FRAS1: variants seen among roughly 807,000 people sequenced by gnomAD.
FRAS1 encodes extracellular matrix organizing protein FRAS1.
In FRAS1, 290 loss-of-function variants were observed where a neutral mutation model predicts 435.2. That is an observed-to-expected ratio of 0.67 (90% CI 0.61 to 0.73). The LOEUF is 0.73. Among genes scored for constraint, FRAS1 ranks in the 30% least tolerant of loss-of-function variants. The pLI is 0.00. For missense variants in FRAS1, 4,860 were observed against 5,001.5 expected (o/e 0.97, Z 0.85); for synonymous variants, 1,800 against 1,851.0 (o/e 0.97, Z 0.71).
intron 15 of FRAS1, among the ~76,000 whole-genome samples, chr4:78,310,762 G>A (rs150425788): frequency 7.2e-5 from 11 of 152,290 alleles, no homozygotes; most frequent in South Asian, 2.1e-4. Context: ...GATTGGTATC[G>A]GAATGTTAAT....
chr4:78,245,105 C>A, intron 3 of FRAS1, 128 bp from the exon 4 acceptor site: 1 of 691,274 alleles, frequency 1.4e-6, no homozygotes, highest in South Asian at 1.7e-5. Flanking sequence ...TCATTTTATC[C>A]CATCTGTTGT....
At chr4:78,169,655 G>A (rs1721471812) in intron 2 of FRAS1, among the ~76,000 whole-genome samples, 1 of 152,138 alleles carries the variant, frequency 6.6e-6, no homozygotes, top group Admixed American at 6.5e-5. Flanking sequence ...CAACAGAGGT[G>A]CAAGGAATGT....
chr4:78,446,829 G>T lies in FRAS1; in HGVS notation c.5959G>T (p.Asp1987Tyr), dbSNP rs767273724. The T allele has an allele frequency of 2.9e-5, 47 of 1,612,468 alleles. No individual in the cohort carries two copies. The highest frequency in any genetic ancestry group is 4.0e-5 in the African/African-American group (3 of 74,870). Residue 1987 changes from aspartate to tyrosine, a missense_variant, in exon 43 of 74, where the codon GAC (aspartate) becomes TAC (tyrosine). By Grantham distance (160) the Asp-to-Tyr change is radical (BLOSUM62 -3). Coordinates refer to ENST00000512123, the MANE Select transcript of FRAS1 (RefSeq NM_025074.7). ...TTCTTCTTTGAGCCTGCAAGACCTG[G>T]ACACCCCAGATAATGAGCTCATTTT... ...SNSSLSLQDL[D>Y]TPDNELIFVL...
At chr4:78,380,837 A>G (rs939330229) in intron 27 of FRAS1, among the ~76,000 whole-genome samples, 9 of 152,164 alleles carry the variant, frequency 5.9e-5, no homozygotes, top group African/African-American at 1.9e-4. Context: ...GAGATAGGTG[A>G]GGAGAAAAGT....
intron 14 of FRAS1, among the ~76,000 whole-genome samples, chr4:78,297,155 G>C (rs950554860): frequency 1.3e-5 from 2 of 149,212 alleles, no homozygotes; most frequent in Non-Finnish European, 2.9e-5. Context: ...AATTTGATTT[G>C]CATATATCAC....
At chr4:78,154,548 T>C (rs748540703) in intron 2 of FRAS1, among the ~76,000 whole-genome samples, 4 of 152,214 alleles carry the variant, frequency 2.6e-5, no homozygotes, top group African/African-American at 7.2e-5. Context: ...CACTGTACTC[T>C]CTTTACACCT....
intron 29 of FRAS1, among the ~76,000 whole-genome samples, chr4:78,400,037 C>T (rs1482529958): frequency 6.6e-6 from 1 of 152,204 alleles, no homozygotes; most frequent in Non-Finnish European, 1.5e-5. Flanking sequence ...TCCCTGAGCC[C>T]TACTGGCACC....
chr4:78,312,462 CCTTT>C (rs2110227320), intron 15 of FRAS1, among the ~76,000 whole-genome samples: 1 of 151,762 alleles, frequency 6.6e-6, no homozygotes, highest in South Asian at 2.1e-4. Context: ...GGGAAAATTC[CCTTT>C]CTTTCCTTTT....
In FRAS1 at chr4:78,507,970, G is replaced by C. The variant is rs181794605; in HGVS notation, c.9504+362G>C. ...CTAAAAGTGAGACCAAATCCTGTTG[G>C]TATCTTAGTCTGATAAAGATAGAAA... On this transcript the variant is annotated intron_variant, in intron 62 of 73. Transcript: ENST00000512123. Among the ~76,000 whole-genome samples the C allele has an allele frequency of 8.5e-5, 13 of 152,292 alleles. No individual in the cohort carries two copies. In the East Asian group the frequency reaches 2.3e-3, roughly 27 times the overall value.
chr4:78,319,344 G>T, intron 18 of FRAS1: 1 of 463,112 alleles, frequency 2.2e-6, no homozygotes, highest in South Asian at 1.5e-5. Flanking sequence ...CTCTGAATAT[G>T]AATTGGTCCC....
intron 38 of FRAS1, among the ~76,000 whole-genome samples, chr4:78,436,561 C>A (rs2109820508): frequency 1.3e-5 from 2 of 152,092 alleles, no homozygotes; most frequent in African/African-American, 2.4e-5. Flanking sequence ...TGAAACAAAC[C>A]AAATGCCCAC....
chr4:78,422,761 C>G (rs1271647924), intron 34 of FRAS1, among the ~76,000 whole-genome samples: 1 of 152,098 alleles, frequency 6.6e-6, no homozygotes, highest in African/African-American at 2.4e-5. Flanking sequence ...AATGGCTTTT[C>G]AAAAGAAACT....
chr4:78,377,507 A>C (rs1190745047), intron 26 of FRAS1, among the ~76,000 whole-genome samples: 1 of 152,226 alleles, frequency 6.6e-6, no homozygotes, highest in Non-Finnish European at 1.5e-5. Flanking sequence ...AGTCCAGGCA[A>C]AAACAACTTG....
chr4:78,159,117 G>T (rs899987344), intron 2 of FRAS1, among the ~76,000 whole-genome samples: 1 of 152,210 alleles, frequency 6.6e-6, no homozygotes, highest in African/African-American at 2.4e-5. Context: ...TTAGTATGTG[G>T]TTGTGCACAG....
chr4:78,158,751 C>A (rs1323685408), intron 2 of FRAS1, among the ~76,000 whole-genome samples: 1 of 152,112 alleles, frequency 6.6e-6, no homozygotes, highest in Non-Finnish European at 1.5e-5. Context: ...TGTAGCAAAA[C>A]TAAGTTTTCA....
At position 78,322,258 on chromosome 4, in the gene FRAS1, T is replaced by C. The variant is rs1458878892; in HGVS notation, c.2137+3272T>C. ...TCCGTTTTCAATTCTGCTGAAGTGC[T>C]GTCTATGAATCAGGCCTGGGAGTCC... On this transcript the variant is annotated intron_variant, in intron 18 of 73. Transcript: ENST00000512123. 1.4e-4 allele frequency among the ~76,000 whole-genome samples: 21 copies of C among 152,218 alleles called. 1 individual carries two copies. Among genetic ancestry groups the C allele is most frequent in the Admixed American group, 1.4e-3 (21 of 15,282 alleles).
intron 36 of FRAS1, 70 bp from the exon 37 acceptor site, chr4:78,430,222 T>C: frequency 1.9e-6 from 3 of 1,599,440 alleles, no homozygotes; most frequent in Non-Finnish European, 2.6e-6. Flanking sequence ...TGGCCTGCGG[T>C]TTTAATATAT....
chr4:78,464,637 G>A, intron 49 of FRAS1, 54 bp downstream of exon 49: 2 of 1,597,664 alleles, frequency 1.3e-6, no homozygotes, highest in East Asian at 2.2e-5. Context: ...CTGACCTGGT[G>A]GCAGCTATCA....
chr4:78,472,288 AACAAGCTGC>A lies in FRAS1; in HGVS notation c.7482_7490del (p.Asn2494_Gln2497delinsLys), dbSNP rs1484910799. The A allele has an allele frequency of 2.5e-6, 4 of 1,610,810 alleles. No homozygotes were observed. The highest frequency in any genetic ancestry group is 3.4e-6 in the Non-Finnish European group (4 of 1,178,030). ...GGGCCCTAAGCATGGCTTTGTGGAG[AACAAGCTGC>A]AGCCTGGCAGAGCTGCTGCCACTTT... On this transcript the variant is annotated inframe_deletion, in exon 52 of 74. Transcript: ENST00000512123.
Sources: gnomAD v4.1 joint callset for allele counts (sites outside exome capture counted in the v4.1 genomes callset) on GRCh38, gnomAD v4.1.1 for gene constraint, MANE v1.5 for transcripts, NCBI Gene and HGNC (gene_info 2026-07-23, HGNC 2026-07-21) for gene names.